FRMD5: variants seen among roughly 807,000 people sequenced by gnomAD.
FRMD5 encodes the protein FERM domain containing 5.
Under a neutral mutation model 69.0 loss-of-function variants are expected in FRMD5, and 20 were observed. The observed-to-expected ratio is 0.29, with a 90% CI of 0.20 to 0.42. The LOEUF (loss-of-function observed/expected upper bound fraction) is 0.42. Ranked by LOEUF, FRMD5 falls within the 10% of genes least tolerant of loss-of-function variation. FRMD5 has a pLI of 1.00. For synonymous variants in FRMD5, 271 were observed against 260.1 expected (o/e 1.04, Z -0.40); for missense variants, 595 against 708.6 (o/e 0.84, Z 1.82).
At chr15:44,103,890 C>A (rs549457729) in intron 1 of FRMD5, among the ~76,000 whole-genome samples, 1 of 152,100 alleles carries the variant, frequency 6.6e-6, no homozygotes. Context: ...TAATGTAATG[C>A]GTTACTCATA....
chr15:43,884,334 A>G (rs1328481965), intron 12 of FRMD5, among the ~76,000 whole-genome samples: 3 of 152,200 alleles, frequency 2.0e-5, no homozygotes, highest in Non-Finnish European at 4.4e-5. Context: ...GTGGATCTAC[A>G]TGAAGCATGG....
In FRMD5 at chr15:44,195,196, T is replaced by A. The variant is rs2078270533; in HGVS notation, c.-142A>T. 2 of 592,864 alleles carry A rather than the reference T, an allele frequency of 3.4e-6. No individual in the cohort carries two copies. The highest frequency in any genetic ancestry group is 5.7e-6 in the Non-Finnish European group (2 of 348,824). 36.7% of individuals were successfully genotyped at this position (592,864 alleles called of 1,614,324 possible). ...TCGCTGCCGTTGCCTCCTGCTGGCCTCGTTCCTCCTCCTTATCCTCCTCCT... is the reference window on the plus strand; with the variant it reads ...TCGCTGCCGTTGCCTCCTGCTGGCCACGTTCCTCCTCCTTATCCTCCTCCT... On this transcript the variant is annotated 5_prime_UTR_variant, in exon 1 of 14. Coordinates refer to ENST00000417257, the MANE Select transcript of FRMD5 (RefSeq NM_032892.5).
intron 1 of FRMD5, among the ~76,000 whole-genome samples, chr15:44,175,548 A>C (rs576752269): frequency 1.2e-4 from 18 of 152,258 alleles, no homozygotes; most frequent in African/African-American, 4.3e-4. Flanking sequence ...TTTGGAAAAC[A>C]GTTTGGCAGT....
chr15:43,979,541 T>C (rs770458376), intron 1 of FRMD5, among the ~76,000 whole-genome samples: 4 of 152,186 alleles, frequency 2.6e-5, no homozygotes, highest in Non-Finnish European at 4.4e-5. Flanking sequence ...ATTCAAAATA[T>C]GTTATTCCTC....
chr15:44,106,352 T>C (rs1176006764), intron 1 of FRMD5, among the ~76,000 whole-genome samples: 2 of 152,196 alleles, frequency 1.3e-5, no homozygotes, highest in African/African-American at 4.8e-5. Context: ...AAACTGACTC[T>C]CTAAGAACTG....
chr15:44,086,131 A>G (rs1894188099), intron 1 of FRMD5, among the ~76,000 whole-genome samples: 1 of 152,194 alleles, frequency 6.6e-6, no homozygotes, highest in African/African-American at 2.4e-5. Flanking sequence ...TACAATATCT[A>G]TAAAATTATA....
chr15:43,917,392 GAAA>G (rs2089409984), intron 4 of FRMD5, among the ~76,000 whole-genome samples: 3 of 151,960 alleles, frequency 2.0e-5, no homozygotes, highest in African/African-American at 7.3e-5. Context: ...CAAAACTCTT[GAAA>G]AAAATTTTTT....
chr15:43,988,281 G>A (rs1467088699), intron 1 of FRMD5, among the ~76,000 whole-genome samples: 1 of 151,754 alleles, frequency 6.6e-6, no homozygotes, highest in Non-Finnish European at 1.5e-5. Flanking sequence ...TACAGAGCAA[G>A]GTCTCCAGAA....
intron 1 of FRMD5, among the ~76,000 whole-genome samples, chr15:44,038,520 C>T (rs1296941314): frequency 1.5e-3 from 93 of 63,170 alleles, no homozygotes; most frequent in Non-Finnish European, 1.6e-3. Flanking sequence ...CTAGCCAGAG[C>T]TTTTTTTTTT....
At chr15:43,919,896 G>T in intron 2 of FRMD5, 87 bp from the exon 3 acceptor site, 1 of 1,227,090 alleles carries the variant, frequency 8.1e-7, no homozygotes, top group Non-Finnish European at 1.2e-6. Context: ...AAACTAGACA[G>T]ATTGTAGCCT....
At chr15:44,183,110 T>G (rs2078037885) in intron 1 of FRMD5, among the ~76,000 whole-genome samples, 1 of 152,108 alleles carries the variant, frequency 6.6e-6, no homozygotes, top group Non-Finnish European at 1.5e-5. Flanking sequence ...ATACTCACAT[T>G]TCAATATGGT....
intron 1 of FRMD5, among the ~76,000 whole-genome samples, chr15:44,077,492 A>G (rs184047762): frequency 1.3e-5 from 2 of 152,314 alleles, no homozygotes. Flanking sequence ...AAGATTAAAA[A>G]AGAAGACAAC....
chr15:43,936,476 C>T (rs1219705263), intron 1 of FRMD5, among the ~76,000 whole-genome samples: 2 of 152,184 alleles, frequency 1.3e-5, no homozygotes, highest in Non-Finnish European at 2.9e-5. Context: ...CAGCCATGAG[C>T]CACCACGCCC....
At chr15:44,138,259 A>G (rs921773989) in intron 1 of FRMD5, among the ~76,000 whole-genome samples, 2 of 152,236 alleles carry the variant, frequency 1.3e-5, no homozygotes, top group Non-Finnish European at 2.9e-5. Context: ...CCTTAAAATA[A>G]GTATTTAGAA....
intron 1 of FRMD5, among the ~76,000 whole-genome samples, chr15:44,135,063 T>G (rs2077161836): frequency 6.6e-6 from 1 of 152,152 alleles, no homozygotes; most frequent in Non-Finnish European, 1.5e-5. Context: ...ACGGACCTGC[T>G]AGGAGGCTAC....
intron 11 of FRMD5, chr15:43,885,028 T>C: frequency 6.4e-6 from 3 of 471,058 alleles, no homozygotes; most frequent in Non-Finnish European, 1.1e-5. Context: ...GGATCTTCCA[T>C]TCTCATTTAG....
intron 1 of FRMD5, among the ~76,000 whole-genome samples, chr15:44,076,551 C>T: frequency 6.7e-6 from 1 of 149,232 alleles, no homozygotes; most frequent in Non-Finnish European, 1.5e-5. Context: ...CATATTCTCA[C>T]TCATAGGTGG....
chr15:44,092,102 G>A (rs1009316222), intron 1 of FRMD5, among the ~76,000 whole-genome samples: 53 of 152,128 alleles, frequency 3.5e-4, no homozygotes, highest in Non-Finnish European at 6.6e-4. Flanking sequence ...GTAACGTGTA[G>A]GTTTCTTTCT....
At chr15:44,007,349 C>G (rs963250989) in intron 1 of FRMD5, among the ~76,000 whole-genome samples, 6 of 152,120 alleles carry the variant, frequency 3.9e-5, no homozygotes, top group African/African-American at 1.2e-4. Context: ...TTGCGGTGGT[C>G]TGGAACTGAT....
Sources: gnomAD v4.1 joint callset for allele counts (sites outside exome capture counted in the v4.1 genomes callset) on GRCh38, gnomAD v4.1.1 for gene constraint, MANE v1.5 for transcripts, NCBI Gene and HGNC (gene_info 2026-07-23, HGNC 2026-07-21) for gene names.